TBCE: variants seen among roughly 807,000 people sequenced by gnomAD.
TBCE encodes tubulin-specific chaperone E.
TBCE carries 53 observed loss-of-function variants against 77.0 expected under a neutral mutation model. The ratio of observed to expected loss-of-function variants is 0.69; its 90% CI spans 0.55 to 0.87. TBCE has a LOEUF of 0.87. TBCE is among the 40% of genes least tolerant of loss of function. The pLI, the probability that TBCE is intolerant of heterozygous loss-of-function variation, is 0.00. For missense variants in TBCE, 624 were observed against 622.4 expected (o/e 1.00, Z -0.03); for synonymous variants, 235 against 241.3 (o/e 0.97, Z 0.24).
intron 5 of TBCE, among the ~76,000 whole-genome samples, chr1:235,426,547 T>C (rs1402812544): frequency 6.6e-6 from 1 of 152,216 alleles, no homozygotes; most frequent in African/African-American, 2.4e-5. Context: ...TCTCCTTTTG[T>C]TGGATAGTGC....
intron 3 of TBCE, among the ~76,000 whole-genome samples, chr1:235,406,024 T>G (rs1303351544): frequency 4.6e-5 from 7 of 152,246 alleles, no homozygotes; most frequent in African/African-American, 1.7e-4. Context: ...TATCGTCTAG[T>G]GTTGTGTTGT....
At chr1:235,412,350 A>G (rs1679863244) in intron 3 of TBCE, among the ~76,000 whole-genome samples, 2 of 140,668 alleles carry the variant, frequency 1.4e-5, no homozygotes, top group South Asian at 2.4e-4. Flanking sequence ...CTTGCCTCAT[A>G]CTTCCAAGTA....
Position 235,448,441 on chromosome 1 carries a change from G to T in TBCE, c.1491+1G>T, listed in dbSNP as rs368693037. On this transcript the variant is annotated splice_donor_variant, in intron 16 of 16. Transcript: ENST00000642610. LOFTEE classifies it high-confidence loss of function. ...TCTGTTGTCCTATGAAAGTCCCAAAGTAAGTTGCCCAGCAAAATACAAAGT... is the reference window on the plus strand; with the variant it reads ...TCTGTTGTCCTATGAAAGTCCCAAATTAAGTTGCCCAGCAAAATACAAAGT... 60 of 1,613,912 alleles carry T rather than the reference G, an allele frequency of 3.7e-5. No homozygotes were observed. Among genetic ancestry groups the T allele is most frequent in the Non-Finnish European group, 4.9e-5 (58 of 1,179,920 alleles).
chr1:235,410,110 G>A (rs1220298005), intron 3 of TBCE, among the ~76,000 whole-genome samples: 1 of 150,398 alleles, frequency 6.6e-6, no homozygotes, highest in African/African-American at 2.5e-5. Context: ...AGCTACTCAG[G>A]AGGCTGAGGC....
intron 4 of TBCE, chr1:235,414,889 C>T (rs1029584555): frequency 1.7e-5 from 7 of 408,326 alleles, no homozygotes; most frequent in African/African-American, 1.2e-4. Context: ...CTCGTGTTGA[C>T]TAAGTAACCA....
intron 3 of TBCE, among the ~76,000 whole-genome samples, chr1:235,408,250 G>T (rs1269569045): frequency 2.0e-5 from 3 of 152,112 alleles, no homozygotes; most frequent in Non-Finnish European, 4.4e-5. Context: ...TGTTACACGT[G>T]TGCCTGTATC....
chr1:235,372,695 C>T (rs1301283303), intron 1 of TBCE, among the ~76,000 whole-genome samples: 4 of 151,620 alleles, frequency 2.6e-5, no homozygotes, highest in Non-Finnish European at 5.9e-5. Flanking sequence ...GAGGCCGAGG[C>T]GGGCGGATCT....
At chr1:235,432,023 G>A (rs1681131233) in intron 7 of TBCE, among the ~76,000 whole-genome samples, 2 of 151,312 alleles carry the variant, frequency 1.3e-5, no homozygotes, top group Non-Finnish European at 2.9e-5. Flanking sequence ...TCGCTCTGTT[G>A]CCCAAGTTGG....
chr1:235,443,359 G>A (rs1682033615), intron 15 of TBCE, among the ~76,000 whole-genome samples: 2 of 151,894 alleles, frequency 1.3e-5, no homozygotes. Context: ...AGCCACCAAC[G>A]CCCAGCTAAT....
At chr1:235,443,720 A>G (rs1682057435) in intron 15 of TBCE, among the ~76,000 whole-genome samples, 1 of 152,168 alleles carries the variant, frequency 6.6e-6, no homozygotes, top group Non-Finnish European at 1.5e-5. Flanking sequence ...ACTGATTAGG[A>G]GTCCCTGCAA....
intron 2 of TBCE, among the ~76,000 whole-genome samples, chr1:235,396,210 C>G (rs189860341): frequency 6.6e-6 from 1 of 152,056 alleles, no homozygotes; most frequent in Non-Finnish European, 1.5e-5. Context: ...GGGTGCCCAC[C>G]ACCACGCCCG....
At chr1:235,431,190 A>G (rs1473022185) in intron 7 of TBCE, among the ~76,000 whole-genome samples, 2 of 152,138 alleles carry the variant, frequency 1.3e-5, no homozygotes. Context: ...AAAGGTTCTC[A>G]CATACTTTTC....
intron 5 of TBCE, among the ~76,000 whole-genome samples, chr1:235,425,829 C>T (rs1415854257): frequency 6.6e-6 from 1 of 152,100 alleles, no homozygotes; most frequent in Admixed American, 6.6e-5. Context: ...ATGGCGTTCC[C>T]CCATTTCCCT....
chr1:235,395,313 T>C (rs1678655834), intron 2 of TBCE, among the ~76,000 whole-genome samples: 1 of 152,126 alleles, frequency 6.6e-6, no homozygotes, highest in African/African-American at 2.4e-5. Context: ...CACATCTAGG[T>C]AAATGAGGTA....
chr1:235,438,128 C>G (rs1361361522), intron 12 of TBCE, among the ~76,000 whole-genome samples: 1 of 152,256 alleles, frequency 6.6e-6, no homozygotes. Context: ...CTTGCCAGCA[C>G]TTTTGTGCAT....
chr1:235,448,212 G>C, intron 15 of TBCE, 137 bp from the exon 16 acceptor site: 1 of 701,514 alleles, frequency 1.4e-6, no homozygotes, highest in Admixed American at 2.5e-5. Context: ...AAGTAAGTAA[G>C]TCAGTCTCAA....
chr1:235,430,312 A>T lies in TBCE; in HGVS notation c.561-393A>T, dbSNP rs115083124. The stretch of plus-strand genomic sequence containing the variant: ...CAGACTCTATGTTTAGAGAAGCAAA[A>T]TTCTAGCCCATGATTCAGTGTATCA... On this transcript the variant is annotated intron_variant, in intron 6 of 16. Transcript: ENST00000642610. 597 of 178,288 alleles carry T rather than the reference A, an allele frequency of 3.3e-3. 1 individual carries two copies. The highest frequency in any genetic ancestry group is 8.1e-3 in the Middle Eastern group (3 of 370). 11.0% of individuals were successfully genotyped at this position (178,288 alleles called of 1,614,324 possible). A position where few individuals can be genotyped will look rare whatever the true frequency, so the allele number is the denominator to read the frequency against.
chr1:235,389,993 G>T (rs1341412706), intron 2 of TBCE, among the ~76,000 whole-genome samples: 1 of 151,850 alleles, frequency 6.6e-6, no homozygotes, highest in East Asian at 1.9e-4. Context: ...GGGTTTTGTG[G>T]TGCGCTCCTG....
chr1:235,402,796 AAAAAAT>A (rs929071749), intron 3 of TBCE, among the ~76,000 whole-genome samples: 3 of 151,536 alleles, frequency 2.0e-5, no homozygotes, highest in Admixed American at 6.6e-5. Context: ...AGCTAATTTA[AAAAAAT>A]AAAAATAAAA....
Sources: allele counts gnomAD v4.1 joint callset (sites outside exome capture counted in the v4.1 genomes callset), GRCh38; gene constraint gnomAD v4.1.1; transcripts MANE v1.5; gene names NCBI Gene and HGNC (gene_info 2026-07-23, HGNC 2026-07-21).